Variants in NAV1 observed in about 807,000 individuals in gnomAD.
NAV1 encodes the protein neuron navigator 1.
NAV1 carries 18 observed loss-of-function variants against 175.2 expected under a neutral mutation model. The ratio of observed to expected loss-of-function variants is 0.10; its 90% CI spans 0.07 to 0.15. The LOEUF is 0.15. NAV1 is among the 10% of genes least tolerant of loss of function. The probability of loss-of-function intolerance (pLI) is 1.00; values close to 1 mark genes in which losing one functional copy is unlikely to be tolerated. For missense variants in NAV1, 1,731 were observed against 2,436.6 expected (o/e 0.71, Z 6.10); for synonymous variants, 897 against 978.7 (o/e 0.92, Z 1.56).
chr1:201,585,176 T>G (rs1221554184), intron 1 of NAV1, among the ~76,000 whole-genome samples: 2 of 152,240 alleles, frequency 1.3e-5, no homozygotes, highest in Non-Finnish European at 2.9e-5. Context: ...GGATCTATTC[T>G]GGTTTTAGGG....
intron 15 of NAV1, chr1:201,798,647 A>G (rs1320245188): frequency 6.8e-6 from 1 of 148,072 alleles, no homozygotes; most frequent in Non-Finnish European, 1.5e-5. Context: ...TCCAATTTGA[A>G]TATGGACTAG....
intron 24 of NAV1, among the ~76,000 whole-genome samples, chr1:201,811,216 T>C (rs984369584): frequency 2.0e-5 from 3 of 152,202 alleles, no homozygotes; most frequent in African/African-American, 7.2e-5. Context: ...CAGAATTAAA[T>C]GGTACATATT....
intron 1 of NAV1, among the ~76,000 whole-genome samples, chr1:201,584,215 T>C (rs1666960145): frequency 1.3e-5 from 2 of 152,262 alleles, no homozygotes; most frequent in South Asian, 4.1e-4. Context: ...TGGAGGACTC[T>C]AGATTCAAAC....
chr1:201,617,435 C>T (rs944297494), intron 2 of NAV1, among the ~76,000 whole-genome samples: 9 of 152,050 alleles, frequency 5.9e-5, no homozygotes, highest in Non-Finnish European at 8.8e-5. Context: ...TTGTTTAAGA[C>T]GCATAAGCTG....
At chr1:201,642,545 C>CTTTTTCTTTT (rs71138344) in intron 2 of NAV1, among the ~76,000 whole-genome samples, 58 of 104,584 alleles carry the variant, frequency 5.5e-4, no homozygotes, top group African/African-American at 2.2e-3. Flanking sequence ...TTCTTTCTTT[C>CTTTTTCTTTT]TTTCTTTCTT....
At chr1:201,691,370 A>G (rs1670932862) in intron 1 of NAV1, among the ~76,000 whole-genome samples, 1 of 151,780 alleles carries the variant, frequency 6.6e-6, no homozygotes, top group Non-Finnish European at 1.5e-5. Context: ...CCCTGGAAGA[A>G]GTGGTCTGAG....
At chr1:201,678,822 A>G (rs1670359039) in intron 1 of NAV1, among the ~76,000 whole-genome samples, 1 of 152,018 alleles carries the variant, frequency 6.6e-6, no homozygotes, top group Non-Finnish European at 1.5e-5. Context: ...CCCAAACTCA[A>G]CAGCATCAGC....
intron 3 of NAV1, among the ~76,000 whole-genome samples, chr1:201,757,874 G>A (rs1674611388): frequency 6.6e-6 from 1 of 152,202 alleles, no homozygotes; most frequent in South Asian, 2.1e-4. Flanking sequence ...GGTGGAATGA[G>A]ACATCATGAG....
At chr1:201,668,264 A>T (rs996432661) in intron 1 of NAV1, among the ~76,000 whole-genome samples, 3 of 152,082 alleles carry the variant, frequency 2.0e-5, no homozygotes, top group Non-Finnish European at 1.5e-5. Flanking sequence ...ACCCCCTACC[A>T]GCTTCCTGGC....
chr1:201,799,137 A>G (rs1245685925), intron 15 of NAV1, among the ~76,000 whole-genome samples: 1 of 152,044 alleles, frequency 6.6e-6, no homozygotes, highest in African/African-American at 2.4e-5. Flanking sequence ...GTGTCAACAG[A>G]TGTGTTCTCT....
upstream of NAV1, among the ~76,000 whole-genome samples, chr1:201,621,813 G>A (rs1047374862): frequency 5.9e-5 from 9 of 152,196 alleles, no homozygotes; most frequent in Non-Finnish European, 1.2e-4. Context: ...GTTCATGCAT[G>A]TGTTCTGAAC....
At chr1:201,556,499 A>G (rs1317853935) in intron 1 of NAV1, among the ~76,000 whole-genome samples, 2 of 151,900 alleles carry the variant, frequency 1.3e-5, no homozygotes, top group African/African-American at 4.8e-5. Context: ...GTGGGGGGAC[A>G]GTGGAGGGAC....
At chr1:201,800,841 T>TTC (rs869279679) in intron 15 of NAV1, among the ~76,000 whole-genome samples, 9 of 121,536 alleles carry the variant, frequency 7.4e-5, no homozygotes, top group Admixed American at 3.4e-4. Context: ...TTTTTTTTTT[T>TTC]AGACAGGGTC....
At chr1:201,729,114 C>G (rs1672736918) in intron 3 of NAV1, among the ~76,000 whole-genome samples, 1 of 152,156 alleles carries the variant, frequency 6.6e-6, no homozygotes, top group South Asian at 2.1e-4. Flanking sequence ...CCACTGTCTC[C>G]CCTCTTTAAT....
chr1:201,603,730 G>A (rs1475243399), intron 2 of NAV1, among the ~76,000 whole-genome samples: 1 of 152,104 alleles, frequency 6.6e-6, no homozygotes, highest in Non-Finnish European at 1.5e-5. Flanking sequence ...GGTCAGTGAG[G>A]GAGAGATTGT....
intron 2 of NAV1, among the ~76,000 whole-genome samples, chr1:201,613,874 T>G (rs6676462): frequency 0.025 from 3,780 of 152,078 alleles, 131 homozygotes; most frequent in African/African-American, 0.085. Context: ...TAATAATAAA[T>G]ACTTCACTTA....
chr1:201,586,971 G>A (rs1435224036), intron 1 of NAV1, among the ~76,000 whole-genome samples: 1 of 152,150 alleles, frequency 6.6e-6, no homozygotes, highest in African/African-American at 2.4e-5. Context: ...AGCACTTTGG[G>A]AGGCCAAGGC....
chr1:201,778,021 T>C (rs1386848736), intron 3 of NAV1, among the ~76,000 whole-genome samples: 1 of 152,158 alleles, frequency 6.6e-6, no homozygotes, highest in African/African-American at 2.4e-5. Context: ...TTAACTCTCA[T>C]GTAATGACAA....
chr1:201,570,534 G>A (rs550593806), intron 1 of NAV1, among the ~76,000 whole-genome samples: 44 of 152,366 alleles, frequency 2.9e-4, no homozygotes, highest in Non-Finnish European at 4.7e-4. Context: ...AGGGCTGGGT[G>A]TGGTGAAACA....
Sources: gnomAD v4.1 joint callset for allele counts (sites outside exome capture counted in the v4.1 genomes callset) on GRCh38, gnomAD v4.1.1 for gene constraint, MANE v1.5 for transcripts, NCBI Gene and HGNC (gene_info 2026-07-23, HGNC 2026-07-21) for gene names.